The following RBMS2 variants were observed in gnomAD, a reference collection of about 807,000 sequenced individuals.
The protein encoded by RBMS2 is RNA-binding motif, single-stranded-interacting protein 2.
RBMS2 carries 38 observed loss-of-function variants against 58.4 expected under a neutral mutation model. That is an observed-to-expected ratio of 0.65 (90% CI 0.50 to 0.85). The LOEUF is 0.85. Among genes scored for constraint, RBMS2 ranks in the 40% least tolerant of loss-of-function variants. RBMS2 has a pLI of 0.00. For missense variants in RBMS2, 367 were observed against 503.7 expected, an observed-to-expected ratio of 0.73 and a Z score of 2.60; for synonymous variants, 151 against 180.7, an observed-to-expected ratio of 0.84 and a Z score of 1.32.
chr12:56,588,410 G>A lies in RBMS2; in HGVS notation c.1143+36G>A, dbSNP rs770248451. The A allele has an allele frequency of 1.2e-5, 19 of 1,557,700 alleles. No homozygotes were observed. In the South Asian group the frequency reaches 2.1e-4, roughly 17 times the overall value. On this transcript the variant is annotated intron_variant, in intron 12 of 13. Transcript: ENST00000262031. ...TATCATTTCTTTGGATTGAGATTAG[G>A]AAAATGAACGGAGGCAGGTTTCCCC... is the stretch of plus-strand genomic sequence containing the variant.
At chr12:56,560,238 T>C (rs887773590) in intron 1 of RBMS2, among the ~76,000 whole-genome samples, 7 of 149,150 alleles carry the variant, frequency 4.7e-5, no homozygotes, top group South Asian at 2.1e-4. Flanking sequence ...TTATGAAATA[T>C]ATATTTATCA....
rs575959685 is a variant in RBMS2, at chr12:56,588,785, G to A, written c.1144-147G>A. 1.8e-5 allele frequency: 13 copies of A among 731,112 alleles called. No individual in the cohort carries two copies. In the African/African-American group the frequency reaches 1.9e-4, roughly 11 times the overall value. The allele number at this position is 731,112 out of a possible 1,614,324, so 45.3% of individuals were successfully genotyped here. ...GCTGTAGGAAGGTTGGGGAAGTGGT[G>A]GTGTGGGTGGAAACACTCACACATG... On this transcript the variant is annotated intron_variant, in intron 12 of 13. Coordinates refer to ENST00000262031, the MANE Select transcript of RBMS2 (RefSeq NM_002898.4).
intron 1 of RBMS2, among the ~76,000 whole-genome samples, chr12:56,536,529 T>TTTTCTC (rs1491343229): frequency 7.0e-6 from 1 of 143,284 alleles, no homozygotes; most frequent in African/African-American, 2.7e-5. Context: ...TCCTTCTTTC[T>TTTTCTC]TTTCTCTCTT....
intron 5 of RBMS2, among the ~76,000 whole-genome samples, chr12:56,580,035 T>G (rs1883701989): frequency 6.6e-6 from 1 of 151,986 alleles, no homozygotes; most frequent in Non-Finnish European, 1.5e-5. Flanking sequence ...GTTCAAGCAA[T>G]TCTTCTCCCT....
intron 3 of RBMS2, 47 bp downstream of exon 3, chr12:56,569,080 G>A: frequency 6.5e-7 from 1 of 1,527,860 alleles, no homozygotes; most frequent in Non-Finnish European, 9.1e-7. Flanking sequence ...AGTAAGTGAG[G>A]CCATCCCTTG....
At position 56,594,742 on chromosome 12, in the gene RBMS2, T is replaced by C. The variant is rs1272718509; in HGVS notation, c.*5609T>C. 1 of 152,232 alleles carries C rather than the reference T, an allele frequency of 6.6e-6. No homozygotes were observed. The highest frequency in any genetic ancestry group is 1.9e-4 in the East Asian group (1 of 5,200). The allele number at this position is 152,232 out of a possible 1,614,324, so 9.4% of individuals were successfully genotyped here. On this transcript the variant is annotated 3_prime_UTR_variant, in exon 14 of 14. Transcript: ENST00000262031. ...AAAGCCAGGTGCCCTCATCACCCGT[T>C]ACCCCTGACCTGTCCACTTGTTTTG... is the stretch of plus-strand genomic sequence containing the variant.
upstream of RBMS2, among the ~76,000 whole-genome samples, chr12:56,521,447 C>T (rs1281217668): frequency 1.9e-5 from 2 of 105,472 alleles, no homozygotes; most frequent in African/African-American, 3.0e-5. Flanking sequence ...AAAAAAAAAT[C>T]ACTGTAAGTG....
chr12:56,588,449 TTC>T, intron 12 of RBMS2, 75 bp downstream of exon 12: 1 of 1,314,760 alleles, frequency 7.6e-7, no homozygotes, highest in Non-Finnish European at 1.1e-6. Flanking sequence ...ATCAAGATCT[TTC>T]TCTCACAATG....
chr12:56,567,450 GAAGA>G (rs1881555354), intron 2 of RBMS2, among the ~76,000 whole-genome samples: 1 of 151,402 alleles, frequency 6.6e-6, no homozygotes, highest in African/African-American at 2.4e-5. Flanking sequence ...GGAAGAAGAA[GAAGA>G]AAGAAGAAGA....
Position 56,595,579 on chromosome 12 carries a change from T to TTAAA in RBMS2, c.*6451_*6454dup, listed in dbSNP as rs1885699966. 1 of 152,060 alleles carries TTAAA rather than the reference T, an allele frequency of 6.6e-6. No homozygotes were observed. The highest frequency in any genetic ancestry group is 1.5e-5 in the Non-Finnish European group (1 of 67,990). 9.4% of individuals were successfully genotyped at this position (152,060 alleles called of 1,614,324 possible). A position where few individuals can be genotyped will look rare whatever the true frequency, so the allele number is the denominator to read the frequency against. ...TGTCTTACTTCACACTTTTTTTTTT[T>TTAAA]TAAATAAAACACAAAAGTCTACGTC... On this transcript the variant is annotated 3_prime_UTR_variant, in exon 14 of 14. Transcript: ENST00000262031.
chr12:56,541,504 A>G (rs1239797276), intron 1 of RBMS2, among the ~76,000 whole-genome samples: 2 of 152,192 alleles, frequency 1.3e-5, no homozygotes, highest in Non-Finnish European at 2.9e-5. Context: ...GAGGGTTTCA[A>G]TTGGAAGCAC....
intron 5 of RBMS2, 47 bp from the exon 6 acceptor site, chr12:56,581,137 C>G (rs753032684): frequency 6.2e-6 from 9 of 1,451,694 alleles, no homozygotes; most frequent in Admixed American, 1.7e-5. Context: ...GTGTGGAGAG[C>G]ACAGATCCTG....
intron 7 of RBMS2, 142 bp downstream of exon 7, chr12:56,581,650 C>A: frequency 1.8e-6 from 2 of 1,119,932 alleles, no homozygotes; most frequent in South Asian, 1.4e-5. Context: ...GAACATACTG[C>A]CAGTTTGTTC....
chr12:56,524,604 G>A (rs1238783008), intron 1 of RBMS2, among the ~76,000 whole-genome samples: 2 of 151,856 alleles, frequency 1.3e-5, no homozygotes, highest in Admixed American at 6.6e-5. Context: ...TAGTAGAGAC[G>A]GGGTTTCACC....
intron 5 of RBMS2, among the ~76,000 whole-genome samples, chr12:56,574,919 C>T (rs182600549): frequency 2.6e-5 from 4 of 152,238 alleles, no homozygotes; most frequent in East Asian, 1.9e-4. Flanking sequence ...GAGGCCGAGG[C>T]GGGCGGATCA....
chr12:56,584,269 C>T (rs1740746192), intron 9 of RBMS2, among the ~76,000 whole-genome samples: 1 of 151,670 alleles, frequency 6.6e-6, no homozygotes, highest in Non-Finnish European at 1.5e-5. Context: ...CCTGTCCCTA[C>T]AAAAAATACA....
intron 5 of RBMS2, among the ~76,000 whole-genome samples, 191 bp downstream of exon 5, chr12:56,572,046 T>C (rs1397796803): frequency 6.6e-6 from 1 of 152,116 alleles, no homozygotes; most frequent in East Asian, 1.9e-4. Flanking sequence ...CCCAGCACTT[T>C]AGGAGGCCAA....
At chr12:56,583,690 G>A (rs1173064076) in intron 9 of RBMS2, among the ~76,000 whole-genome samples, 1 of 151,906 alleles carries the variant, frequency 6.6e-6, no homozygotes, top group African/African-American at 2.4e-5. Flanking sequence ...CTGTCTTGAT[G>A]AATGTAAAGT....
chr12:56,545,829 C>G (rs546225080), intron 1 of RBMS2, among the ~76,000 whole-genome samples: 66 of 152,204 alleles, frequency 4.3e-4, no homozygotes, highest in Admixed American at 8.5e-4. Context: ...ATCCAGTTAT[C>G]AGTTGATAAA....
Sources: allele counts gnomAD v4.1 joint callset (sites outside exome capture counted in the v4.1 genomes callset), GRCh38; gene constraint gnomAD v4.1.1; transcripts MANE v1.5; gene names NCBI Gene and HGNC (gene_info 2026-07-23, HGNC 2026-07-21).